Variants in OR1F1 observed in about 807,000 individuals in gnomAD.
The protein encoded by OR1F1 is olfactory receptor family 1 subfamily F member 1, also known as olfactory receptor 1F1.
For synonymous variants in OR1F1, 184 were observed against 156.7 expected (o/e 1.17, Z -1.30); for missense variants, 493 against 376.3 (o/e 1.31, Z -2.57).
the OR1F1 span, among the ~76,000 whole-genome samples, chr16:3,195,120 G>C: frequency 6.6e-6 from 1 of 152,180 alleles, no homozygotes; most frequent in Non-Finnish European, 1.5e-5. Context: ...CCAGGAGGGT[G>C]CTTCTTGCTC....
the OR1F1 span, among the ~76,000 whole-genome samples, chr16:3,196,329 G>A: frequency 2.0e-5 from 3 of 152,162 alleles, no homozygotes; most frequent in Admixed American, 6.6e-5. Flanking sequence ...GGTTAGTAAC[G>A]TTTAGCAAGA....
chr16:3,198,864 G>C, the OR1F1 span, among the ~76,000 whole-genome samples: 1 of 151,938 alleles, frequency 6.6e-6, no homozygotes, highest in Admixed American at 6.6e-5. Flanking sequence ...GGCTGTGATG[G>C]GAGGATCGCT....
chr16:3,204,416 C>A lies in OR1F1; in HGVS notation c.170C>A (p.Thr57Asn), dbSNP rs183120097. 11 of 1,614,126 alleles carry A rather than the reference C, an allele frequency of 6.8e-6. No homozygotes were observed. In the East Asian group the frequency reaches 2.0e-4, roughly 29 times the overall value. Residue 57 changes from threonine (T) to asparagine (N), a missense_variant, in exon 1 of 1, where the codon ACC (threonine) becomes AAC (asparagine). By Grantham distance (65) the Thr-to-Asn change is moderately conservative. Coordinates refer to ENST00000304646, the Ensembl canonical transcript of OR1F1. ...GTAAGCATAGACTCCTGCCTGCACA[C>A]CCCCATGTACTTCTTCCTCAGCAAC...
At chr16:3,200,297 A>G (rs1219537253), upstream of OR1F1, among the ~76,000 whole-genome samples, 1 of 152,022 alleles carries the variant, frequency 6.6e-6, no homozygotes, top group Non-Finnish European at 1.5e-5. Flanking sequence ...CCACCCAGGG[A>G]TATGTTTTTT....
chr16:3,204,724 A>G (rs760094421), exon 1 of OR1F1: 1 of 1,613,962 alleles, frequency 6.2e-7, no homozygotes, highest in Admixed American at 1.7e-5. Flanking sequence ...CCTTCTGCAC[A>G]CCCTGCTGAT....
the OR1F1 span, among the ~76,000 whole-genome samples, chr16:3,192,620 C>A: frequency 6.6e-6 from 1 of 152,184 alleles, no homozygotes; most frequent in Admixed American, 6.5e-5. Flanking sequence ...GGGGTTGTGT[C>A]CACGATCCCG....
At chr16:3,189,985 G>C in the OR1F1 span, among the ~76,000 whole-genome samples, 1 of 152,030 alleles carries the variant, frequency 6.6e-6, no homozygotes, top group Non-Finnish European at 1.5e-5. Context: ...ACTTCTGGCA[G>C]TGCAAACTCG....
chr16:3,195,676 CAA>C, the OR1F1 span, among the ~76,000 whole-genome samples: 20 of 99,236 alleles, frequency 2.0e-4, no homozygotes, highest in Admixed American at 2.2e-4. Flanking sequence ...GAGTGGAACT[CAA>C]AAAAAAAAAA....
chr16:3,189,467 G>T, the OR1F1 span, among the ~76,000 whole-genome samples: 3 of 152,238 alleles, frequency 2.0e-5, no homozygotes, highest in Non-Finnish European at 4.4e-5. Context: ...GCGTCGCGGA[G>T]GAGGGGCCGG....
At chr16:3,190,946 T>C in the OR1F1 span, among the ~76,000 whole-genome samples, 60 of 152,180 alleles carry the variant, frequency 3.9e-4, 1 homozygote, top group Middle Eastern at 6.8e-3. Context: ...CTTTGAACCT[T>C]CTAGATTGAA....
downstream of OR1F1, among the ~76,000 whole-genome samples, chr16:3,205,678 C>G (rs1043775832): frequency 6.6e-6 from 1 of 152,164 alleles, no homozygotes; most frequent in Non-Finnish European, 1.5e-5. Flanking sequence ...CCTGTCTTTA[C>G]TGCAATCTCT....
the OR1F1 span, among the ~76,000 whole-genome samples, chr16:3,191,981 G>C: frequency 2.6e-5 from 4 of 152,200 alleles, no homozygotes; most frequent in African/African-American, 7.2e-5. Context: ...TAAAGGGCCT[G>C]CTGCTGTGGC....
chr16:3,197,841 A>G, the OR1F1 span, among the ~76,000 whole-genome samples: 1 of 484 alleles, frequency 2.1e-3, no homozygotes, highest in Non-Finnish European at 5.6e-3. Flanking sequence ...GAGAGGGAGA[A>G]GGAGAGGGAG....
At chr16:3,203,284 C>T (rs751310835), upstream of OR1F1, among the ~76,000 whole-genome samples, 5 of 152,188 alleles carry the variant, frequency 3.3e-5, no homozygotes, top group African/African-American at 4.8e-5. Context: ...TGTGATTCTT[C>T]CAAACATCCT....
exon 1 of OR1F1, chr16:3,204,679 G>A: frequency 6.2e-7 from 1 of 1,614,166 alleles, no homozygotes; most frequent in Non-Finnish European, 8.5e-7. Context: ...TGCCCTGCTG[G>A]TTGCTGGATT....
At chr16:3,202,714 A>T (rs1444088209), upstream of OR1F1, among the ~76,000 whole-genome samples, 2 of 149,304 alleles carry the variant, frequency 1.3e-5, no homozygotes, top group African/African-American at 4.9e-5. Flanking sequence ...ATAACAATTT[A>T]ATATCTTCAG....
chr16:3,190,990 A>G, the OR1F1 span, among the ~76,000 whole-genome samples: 1 of 152,204 alleles, frequency 6.6e-6, no homozygotes, highest in East Asian at 1.9e-4. Context: ...ATAAAAGCAC[A>G]CAGTAATGGA....
chr16:3,192,193 A>T, the OR1F1 span, among the ~76,000 whole-genome samples: 1 of 152,108 alleles, frequency 6.6e-6, no homozygotes, highest in Admixed American at 6.5e-5. Context: ...AGTAGCTGGG[A>T]CTACAGGTGC....
the OR1F1 span, among the ~76,000 whole-genome samples, chr16:3,194,300 C>G: frequency 6.6e-6 from 1 of 152,132 alleles, no homozygotes; most frequent in African/African-American, 2.4e-5. Context: ...TTTGGTTTGT[C>G]TTTCTGTTTT....
Sources: allele counts gnomAD v4.1 joint callset (sites outside exome capture counted in the v4.1 genomes callset), GRCh38; gene constraint gnomAD v4.1.1; transcripts MANE v1.5; gene names NCBI Gene and HGNC (gene_info 2026-07-23, HGNC 2026-07-21).